Variants in PRODH2 observed in about 807,000 individuals in gnomAD.
The protein encoded by PRODH2 is hydroxyproline dehydrogenase.
PRODH2 carries 49 observed loss-of-function variants against 51.9 expected under a neutral mutation model. The observed-to-expected ratio is 0.94, with a 90% CI of 0.75 to 1.20. PRODH2 has a LOEUF of 1.20. Among genes scored for constraint, PRODH2 ranks in the 50% most tolerant of loss-of-function variants. The probability of loss-of-function intolerance (pLI) is 0.00; values close to 1 mark genes in which losing one functional copy is unlikely to be tolerated. For missense variants in PRODH2, 597 were observed against 610.9 expected, an observed-to-expected ratio of 0.98 and a Z score of 0.24; for synonymous variants, 249 against 260.7, an observed-to-expected ratio of 0.96 and a Z score of 0.43.
In PRODH2 at chr19:35,807,119, G is replaced by A; in HGVS notation, c.600C>T (p.Asn200=). The A allele has an allele frequency of 6.4e-7, 1 of 1,550,818 alleles. No individual in the cohort carries two copies. Residue 200 remains asparagine (N), a splice_region_variant and synonymous_variant, in exon 5 of 10, where the codon AAC becomes AAT. Coordinates refer to ENST00000653904, the MANE Select transcript of PRODH2 (RefSeq NM_021232.2). ...CAGCATTGAGGCAGGAGACCTGGAG[G>A]TTCTAGGGGGCAGCAGGGGAAGTGG... is the stretch of plus-strand genomic sequence containing the variant. The part of the protein sequence containing the change: ...RLAEAMDSGQ[N]LQVSCLNAEQ...
At position 35,812,492 on chromosome 19, in the gene PRODH2, A is replaced by ACGGATGCT. The variant is rs1257420463; in HGVS notation, c.231_238dup (p.Val80GlufsTer17). ...CTCACCAGCCACAAACTGCCCATAG[A>ACGGATGCT]CGGATGCTCGGAGAAATGCGCCTGA... On this transcript the variant is annotated frameshift_variant, in exon 2 of 10. Transcript: ENST00000653904. LOFTEE classifies it high-confidence loss of function. 6.2e-7 allele frequency: 1 copy of ACGGATGCT among 1,614,098 alleles called. No individual in the cohort carries two copies. The highest frequency in any genetic ancestry group is 1.3e-5 in the African/African-American group (1 of 74,936).
chr19:35,799,998 C>G lies in PRODH2; in HGVS notation c.*40G>C, dbSNP rs1133745. On this transcript the variant is annotated 3_prime_UTR_variant, in exon 10 of 10. Coordinates refer to ENST00000653904, the MANE Select transcript of PRODH2 (RefSeq NM_021232.2). ...GTGCAGGACAGCAGCTTAGGCAGCA[C>G]CTAAGGACTTTTATTGACCACATGA... 0.2 allele frequency: 310,508 copies of G among 1,572,304 alleles called. 32,491 individuals are homozygous for G. Among genetic ancestry groups the G allele is most frequent in the South Asian group, 0.34 (29,323 of 85,750 alleles).
chr19:35,808,749 A>G (rs970545507), intron 4 of PRODH2, among the ~76,000 whole-genome samples: 2 of 151,604 alleles, frequency 1.3e-5, no homozygotes, highest in Non-Finnish European at 2.9e-5. Context: ...CAGCCTTTCC[A>G]GAGCCTGGGT....
intron 7 of PRODH2, among the ~76,000 whole-genome samples, chr19:35,804,646 C>A (rs1407996851): frequency 1.3e-5 from 2 of 152,176 alleles, no homozygotes; most frequent in Non-Finnish European, 2.9e-5. Context: ...CTTTAAAATG[C>A]ACAGTTGTGG....
rs1972459166 is a variant in PRODH2 at position 35,803,085 on chromosome 19, G to A, written c.1002-7C>T. Reference sequence around the variant, plus strand: ...TTCCAGGCAGCGGCTGTAACTGAAGGGAGATGCTCTGTTCAGCTCACCTGG... The same window carrying A: ...TTCCAGGCAGCGGCTGTAACTGAAGAGAGATGCTCTGTTCAGCTCACCTGG... On this transcript the variant is annotated splice_region_variant and splice_polypyrimidine_tract_variant and intron_variant, in intron 7 of 9. Coordinates refer to ENST00000653904, the MANE Select transcript of PRODH2 (RefSeq NM_021232.2). 2 of 1,525,974 alleles carry A rather than the reference G, an allele frequency of 1.3e-6. No homozygotes were observed. Among genetic ancestry groups the A allele is most frequent in the East Asian group, 2.5e-5 (1 of 40,666 alleles). 94.5% of individuals were successfully genotyped at this position (1,525,974 alleles called of 1,614,324 possible). A position where few individuals can be genotyped will look rare whatever the true frequency, so the allele number is the denominator to read the frequency against.
intron 9 of PRODH2, 74 bp downstream of exon 9, chr19:35,802,117 G>T (rs1972440926): frequency 2.8e-6 from 4 of 1,405,954 alleles, no homozygotes; most frequent in Non-Finnish European, 4.0e-6. Flanking sequence ...CCTTGGTTGG[G>T]AATAGGAGAA....
intron 7 of PRODH2, 121 bp from the exon 8 acceptor site, chr19:35,803,199 C>A (rs989960529): frequency 3.7e-6 from 2 of 539,386 alleles, no homozygotes; most frequent in Non-Finnish European, 6.3e-6. Flanking sequence ...CCATCTGCAC[C>A]AGTTGTAAGG....
At chr19:35,805,879 G>C (rs1180565537) in intron 7 of PRODH2, among the ~76,000 whole-genome samples, 3 of 152,128 alleles carry the variant, frequency 2.0e-5, no homozygotes, top group Non-Finnish European at 4.4e-5. Flanking sequence ...GTGAGGGATG[G>C]GGCCATGCCA....
intron 7 of PRODH2, among the ~76,000 whole-genome samples, chr19:35,803,297 C>T (rs1366707052): frequency 6.6e-6 from 1 of 152,178 alleles, no homozygotes; most frequent in Non-Finnish European, 1.5e-5. Context: ...CTCTGTTGCC[C>T]AGGCTGGAAT....
At chr19:35,801,478 TAAATA>T (rs531989406) in intron 9 of PRODH2, among the ~76,000 whole-genome samples, 4 of 151,296 alleles carry the variant, frequency 2.6e-5, no homozygotes, top group Non-Finnish European at 4.4e-5. Flanking sequence ...AATAAATAAA[TAAATA>T]AAATAAAATA....
intron 7 of PRODH2, 149 bp downstream of exon 7, chr19:35,806,281 C>T: frequency 3.1e-6 from 3 of 972,402 alleles, no homozygotes; most frequent in East Asian, 2.6e-5. Flanking sequence ...ATGGGGTCTC[C>T]CTGTGTTGCC....
At position 35,806,570 on chromosome 19, in the gene PRODH2, A is replaced by C; in HGVS notation, c.861T>G (p.Asp287Glu). 1 of 1,614,046 alleles carries C rather than the reference A, an allele frequency of 6.2e-7. No homozygotes were observed. Among genetic ancestry groups the C allele is most frequent in the Non-Finnish European group, 8.5e-7 (1 of 1,180,002 alleles). Reference protein sequence around the residue: ...LKDTFERLGRDAEAAHRAGLA... With the variant: ...LKDTFERLGREAEAAHRAGLA... ...GGCCGGCCCTGTGCGCAGCCTCTGCATCCCTCCCCAGCCGCTCGAATGTGT... is the reference window on the plus strand; with the variant it reads ...GGCCGGCCCTGTGCGCAGCCTCTGCCTCCCTCCCCAGCCGCTCGAATGTGT... Residue 287 changes from aspartate to glutamate, a missense_variant, in exon 7 of 10, where the codon GAT becomes GAG. Asp to Glu is a conservative substitution (Grantham distance 45). Coordinates refer to ENST00000653904, the MANE Select transcript of PRODH2 (RefSeq NM_021232.2).
intron 4 of PRODH2, among the ~76,000 whole-genome samples, chr19:35,811,631 G>GA (rs1187996710): frequency 6.6e-6 from 1 of 152,080 alleles, no homozygotes; most frequent in Admixed American, 6.6e-5. Context: ...AACAAACTAA[G>GA]ACCCCATTGG....
chr19:35,805,110 G>A (rs1482714893), intron 7 of PRODH2, among the ~76,000 whole-genome samples: 1 of 152,108 alleles, frequency 6.6e-6, no homozygotes, highest in Non-Finnish European at 1.5e-5. Context: ...TCATTGGTAT[G>A]AGGTTACTTT....
rs1265781964 is a variant in PRODH2 at position 35,806,842 on chromosome 19, A to G, written c.679-12T>C. 3 of 1,587,954 alleles carry G rather than the reference A, an allele frequency of 1.9e-6. No homozygotes were observed. Among genetic ancestry groups the G allele is most frequent in the South Asian group, 1.1e-5 (1 of 88,012 alleles). On this transcript the variant is annotated splice_polypyrimidine_tract_variant and intron_variant, in intron 5 of 9. Transcript: ENST00000653904. ...TGGGCCCGGGCATACTGATGGCGAC[A>G]GAGACGACGGTCAGGGCCCCGGGTG...
chr19:35,802,935 CA>C, intron 8 of PRODH2, 32 bp downstream of exon 8: 1 of 1,445,544 alleles, frequency 6.9e-7, no homozygotes, highest in Non-Finnish European at 9.4e-7. Context: ...CTTTTGTGGG[CA>C]CCTATTTCCC....
intron 8 of PRODH2, among the ~76,000 whole-genome samples, chr19:35,802,762 G>A (rs1265383440): frequency 6.6e-6 from 1 of 151,684 alleles, no homozygotes; most frequent in Non-Finnish European, 1.5e-5. Context: ...GGGTCTTGCT[G>A]TGTTGCCCAG....
chr19:35,806,869 C>A, intron 5 of PRODH2, 39 bp from the exon 6 acceptor site: 1 of 1,561,292 alleles, frequency 6.4e-7, no homozygotes, highest in Non-Finnish European at 8.7e-7. Context: ...CCCCGGGTGT[C>A]CAGCAGGGGC....
Position 35,810,962 on chromosome 19 carries a change from A to T in PRODH2, c.597+1000T>A, listed in dbSNP as rs188356491. Among the ~76,000 whole-genome samples the T allele has an allele frequency of 8.2e-4, 125 of 152,322 alleles. 1 individual carries two copies. The highest frequency in any genetic ancestry group is 2.6e-3 in the African/African-American group (110 of 41,570). On this transcript the variant is annotated intron_variant, in intron 4 of 9. Coordinates refer to ENST00000653904, the MANE Select transcript of PRODH2 (RefSeq NM_021232.2). ...TACTGCGAATAATTATTGGGCTCTA[A>T]TTAATGAGCCCATTATTCATATCCT...
Sources: allele counts gnomAD v4.1 joint callset (sites outside exome capture counted in the v4.1 genomes callset), GRCh38; gene constraint gnomAD v4.1.1; transcripts MANE v1.5; gene names NCBI Gene and HGNC (gene_info 2026-07-23, HGNC 2026-07-21).